The following MYOF variants were observed in gnomAD, a reference collection of about 807,000 sequenced individuals.
MYOF encodes fer-1-like 3, myoferlin.
A neutral mutation model predicts 284.2 loss-of-function variants in MYOF; 244 were observed. That is an observed-to-expected ratio of 0.86 (90% CI 0.77 to 0.95). The LOEUF (loss-of-function observed/expected upper bound fraction) is 0.95, where lower values mean the gene tolerates loss of function less well. Ranked by LOEUF, MYOF falls within the 40% of genes least tolerant of loss-of-function variation. The pLI is 0.00. For synonymous variants in MYOF, 904 were observed against 919.7 expected, an observed-to-expected ratio of 0.98 and a Z score of 0.31; for missense variants, 2,496 against 2,560.6, an observed-to-expected ratio of 0.97 and a Z score of 0.54.
intron 31 of MYOF, among the ~76,000 whole-genome samples, chr10:93,354,666 ACTCTCTCTCT>A (rs140255016): frequency 1.4e-4 from 17 of 119,314 alleles, no homozygotes; most frequent in East Asian, 2.4e-4. Flanking sequence ...TCACACATTC[ACTCTCTCTCT>A]CTCTCTCTCT....
At chr10:93,443,848 T>C (rs1331733869) in intron 3 of MYOF, among the ~76,000 whole-genome samples, 2 of 152,148 alleles carry the variant, frequency 1.3e-5, no homozygotes, top group East Asian at 3.9e-4. Context: ...AATTTAAGGA[T>C]GAGAATTCTG....
At chr10:93,316,981 G>A (rs117274797) in intron 49 of MYOF, among the ~76,000 whole-genome samples, 168 bp from the exon 50 acceptor site, 25 of 151,434 alleles carry the variant, frequency 1.7e-4, no homozygotes, top group East Asian at 1.6e-3. Context: ...AGGCTCCCCA[G>A]GAAATCACAA....
chr10:93,341,048 A>C (rs1589415360), intron 38 of MYOF, among the ~76,000 whole-genome samples: 2 of 152,304 alleles, frequency 1.3e-5, no homozygotes, highest in East Asian at 3.9e-4. Flanking sequence ...AGCACAATGC[A>C]ATTGCCAAGA....
intron 19 of MYOF, 57 bp from the exon 20 acceptor site, chr10:93,381,453 T>C: frequency 6.4e-7 from 1 of 1,566,834 alleles, no homozygotes; most frequent in South Asian, 1.2e-5. Flanking sequence ...CTTATTTACA[T>C]GTGGATTTCT....
At chr10:93,360,173 A>G (rs905540084) in intron 28 of MYOF, among the ~76,000 whole-genome samples, 195 bp from the exon 29 acceptor site, 1 of 152,188 alleles carries the variant, frequency 6.6e-6, no homozygotes, top group African/African-American at 2.4e-5. Flanking sequence ...CAGCTCCTCA[A>G]AATGCCTCCT....
At chr10:93,321,416 T>TC (rs1247100135) in intron 48 of MYOF, among the ~76,000 whole-genome samples, 1 of 135,688 alleles carries the variant, frequency 7.4e-6, no homozygotes, top group South Asian at 2.1e-4. Context: ...ATTAACCTTT[T>TC]TTTTTTTTTT....
At position 93,441,862 on chromosome 10, in the gene MYOF, C is replaced by T. The variant is rs138094813; in HGVS notation, c.236+10188G>A. 2.8e-3 allele frequency among the ~76,000 whole-genome samples: 432 copies of T among 152,046 alleles called. 2 individuals carry two copies. Among genetic ancestry groups the T allele is most frequent in the Non-Finnish European group, 3.5e-3 (236 of 67,970 alleles). Reference sequence around the variant, plus strand: ...ACAGGCGTGAGTCACCGTGCCCGGCCGAGAGTTAGTACATTTCACAACGTA... The same window carrying T: ...ACAGGCGTGAGTCACCGTGCCCGGCTGAGAGTTAGTACATTTCACAACGTA... On this transcript the variant is annotated intron_variant, in intron 3 of 53. Transcript: ENST00000359263.
At chr10:93,336,298 C>T (rs373082029) in intron 40 of MYOF, among the ~76,000 whole-genome samples, 1 of 152,134 alleles carries the variant, frequency 6.6e-6, no homozygotes, top group African/African-American at 2.4e-5. Flanking sequence ...AGTGAAAACA[C>T]GTACACATGG....
At chr10:93,379,793 C>T in intron 21 of MYOF, 70 bp downstream of exon 21, 2 of 1,584,736 alleles carry the variant, frequency 1.3e-6, no homozygotes, top group East Asian at 4.5e-5. Context: ...GTTATAGTGG[C>T]CTGGCCTCCA....
At position 93,351,478 on chromosome 10, in the gene MYOF, C is replaced by T. The variant is rs1320461205; in HGVS notation, c.3757G>A (p.Val1253Ile). ...DITPKLLWHP[V>I]MNGDKACGDV... ...CCGCAGGCTTTGTCTCCATTCATTA[C>T]TGGGTGCCAGAGAAGTTTGGGTGTG... The change falls in exon 34 of 54, where the codon GTA becomes ATA. Residue 1253 changes from valine to isoleucine, a missense_variant. Physicochemically the swap from Val to Ile is conservative, Grantham distance 29. Around this residue, in one of 3 missense-constraint regions of MYOF, gnomAD observed 2,436 missense variants for 2,480.7 expected, o/e 0.98. Transcript: ENST00000359263. The T allele has an allele frequency of 6.2e-7, 1 of 1,614,110 alleles. No homozygotes were observed. Among genetic ancestry groups the T allele is most frequent in the Non-Finnish European group, 8.5e-7 (1 of 1,180,044 alleles).
intron 27 of MYOF, among the ~76,000 whole-genome samples, chr10:93,362,530 C>G (rs1196737731): frequency 6.6e-6 from 1 of 152,110 alleles, no homozygotes; most frequent in Non-Finnish European, 1.5e-5. Context: ...CAGGTGTGAC[C>G]CACCACACCC....
At chr10:93,331,069 C>T (rs1174802166) in intron 43 of MYOF, among the ~76,000 whole-genome samples, 3 of 152,150 alleles carry the variant, frequency 2.0e-5, no homozygotes, top group East Asian at 1.9e-4. Context: ...AACTTTTAAA[C>T]CCAAGTGTCT....
chr10:93,411,673 G>A (rs1164584752), intron 5 of MYOF, among the ~76,000 whole-genome samples: 5 of 152,144 alleles, frequency 3.3e-5, no homozygotes, highest in Admixed American at 2.6e-4. Context: ...AAGGGAAAAG[G>A]GGGCCTCCAC....
chr10:93,344,726 TAAAAAAAAAA>T (rs3081452), intron 37 of MYOF, among the ~76,000 whole-genome samples: 4 of 76,230 alleles, frequency 5.2e-5, no homozygotes, highest in African/African-American at 1.8e-4. Context: ...GAACTTAAAT[TAAAAAAAAAA>T]AAAAAAAAAA....
rs899345412 is a variant in MYOF, at chr10:93,344,949, T to C, written c.4250-1017A>G. Reference sequence around the variant, plus strand: ...AGAGCATGGACTCAGGAGTAGTCCCTGGGCTTACTACATTTGATTCAGCTA... The same window carrying C: ...AGAGCATGGACTCAGGAGTAGTCCCCGGGCTTACTACATTTGATTCAGCTA... On this transcript the variant is annotated intron_variant, in intron 37 of 53. Coordinates refer to ENST00000359263, the MANE Select transcript of MYOF (RefSeq NM_013451.4). 2.0e-5 allele frequency among the ~76,000 whole-genome samples: 3 copies of C among 152,116 alleles called. No homozygotes were observed. The East Asian group carries it at 5.8e-4, about 29-fold the overall frequency.
rs1341972528 is a variant in MYOF, at chr10:93,328,778, T to G, written c.5116A>C (p.Ser1706Arg). ...SRIRYGGRDY[S>R]LDEFEANKIL... ...AGGTGCTCACCAAATTCATCCAAGC[T>G]GTAGTCTCGTCCTCCATATCTGATT... Residue 1706 changes from serine to arginine, a missense_variant, in exon 45 of 54, where the codon AGC (serine) becomes CGC (arginine). Ser to Arg is a moderately radical substitution (Grantham distance 110, BLOSUM62 -1). This residue lies in a region of MYOF where 2,436 missense variants were observed against 2,480.7 expected (regional missense o/e 0.98). Coordinates refer to ENST00000359263, the MANE Select transcript of MYOF (RefSeq NM_013451.4). 6.2e-7 allele frequency: 1 copy of G among 1,612,170 alleles called. No homozygotes were observed. Among genetic ancestry groups the G allele is most frequent in the Non-Finnish European group, 8.5e-7 (1 of 1,178,310 alleles).
chr10:93,308,584 CAAAA>C (rs35344958), intron 53 of MYOF, among the ~76,000 whole-genome samples: 1 of 94,618 alleles, frequency 1.1e-5, no homozygotes, highest in African/African-American at 4.0e-5. Flanking sequence ...GACTCTGTCT[CAAAA>C]AAAAAAAAAA....
chr10:93,444,631 C>T (rs1289560083), intron 3 of MYOF, among the ~76,000 whole-genome samples: 1 of 152,152 alleles, frequency 6.6e-6, no homozygotes, highest in Non-Finnish European at 1.5e-5. Context: ...ATGGTGAGGC[C>T]CAATGACAAG....
rs575228084 is a variant in MYOF at position 93,312,633 on chromosome 10, A to G, written c.5889+387T>C. ...CCTTGGATTACAGGCATGAGCCACC[A>G]CACCCAGCCCTACCTTTTTTTTTTA... is the stretch of plus-strand genomic sequence containing the variant. On this transcript the variant is annotated intron_variant, in intron 51 of 53. Transcript: ENST00000359263. Among the ~76,000 whole-genome samples, 3 of 150,404 alleles carry G rather than the reference A, an allele frequency of 2.0e-5. No individual in the cohort carries two copies. In the Middle Eastern group the frequency reaches 0.01, roughly 526 times the overall value.
Sources: gnomAD v4.1 joint callset for allele counts (sites outside exome capture counted in the v4.1 genomes callset) on GRCh38, gnomAD v4.1.1 for gene constraint, gnomAD v4.1.1 regional missense constraint, MANE v1.5 for transcripts, NCBI Gene and HGNC (gene_info 2026-07-23, HGNC 2026-07-21) for gene names.